TBX15: variants seen among roughly 807,000 people sequenced by gnomAD.
TBX15 encodes T-box transcription factor TBX15.
Under a neutral mutation model 53.9 loss-of-function variants are expected in TBX15, and 18 were observed. The observed-to-expected ratio is 0.33, with a 90% CI of 0.23 to 0.49. TBX15 has a LOEUF of 0.49. Ranked by LOEUF, TBX15 falls within the 20% of genes least tolerant of loss-of-function variation. TBX15 has a pLI of 0.98. For missense variants in TBX15, 692 were observed against 749.5 expected (o/e 0.92, Z 0.90); for synonymous variants, 295 against 278.0 (o/e 1.06, Z -0.61).
At chr1:118,910,417 G>T (rs1266795548) in intron 6 of TBX15, among the ~76,000 whole-genome samples, 1 of 151,968 alleles carries the variant, frequency 6.6e-6, no homozygotes, top group Non-Finnish European at 1.5e-5. Context: ...TTTTGTTGTT[G>T]TTGTTGTTGT....
chr1:118,922,257 G>A, intron 5 of TBX15, among the ~76,000 whole-genome samples: 1 of 152,178 alleles, frequency 6.6e-6, no homozygotes, highest in East Asian at 1.9e-4. Flanking sequence ...CATGACGACA[G>A]AGAGATCAAA....
chr1:118,985,936 G>A (rs765276138), intron 1 of TBX15, among the ~76,000 whole-genome samples: 4 of 152,156 alleles, frequency 2.6e-5, no homozygotes, highest in African/African-American at 4.8e-5. Context: ...ACGGCAGAAA[G>A]AGCAAACTCT....
rs769435912 is a variant in TBX15, at chr1:118,926,529, C to T, written c.502G>A (p.Val168Met). 6.2e-6 allele frequency: 10 copies of T among 1,613,636 alleles called. No individual in the cohort carries two copies. The Admixed American group carries it at 8.3e-5, about 13-fold the overall frequency. Residue 168 changes from valine to methionine, a missense_variant, in exon 3 of 8, where the codon GTG becomes ATG. Val to Met is a conservative substitution (Grantham distance 21, BLOSUM62 1). Transcript: ENST00000369429. ...TGTTACCTGTATCTTTTATTGTCCACAGGCACAATGTCCATTGCTATGTAG... is the reference window on the plus strand; with the variant it reads ...TGTTACCTGTATCTTTTATTGTCCATAGGCACAATGTCCATTGCTATGTAG... Reference protein sequence around the residue: ...QYYIAMDIVPVDNKRYRYVYH... With the variant: ...QYYIAMDIVPMDNKRYRYVYH...
At position 118,885,050 on chromosome 1, in the gene TBX15, C is replaced by G. The variant is rs1653885693; in HGVS notation, c.1491G>C (p.Gly497=). Residue 497 remains glycine (G), a synonymous_variant, in exon 8 of 8, where the codon GGG becomes GGC. Coordinates refer to ENST00000369429, the MANE Select transcript of TBX15 (RefSeq NM_001330677.2). ...ASSSSSPHMF[G]GSHMQQSSYN... ...AGGAGCTCTGCTGCATGTGGCTGCC[C>G]CCGAACATGTGTGGTGATGAGGAGC... The G allele has an allele frequency of 1.9e-6, 3 of 1,613,960 alleles. No individual in the cohort carries two copies. The highest frequency in any genetic ancestry group is 1.3e-5 in the African/African-American group (1 of 74,908).
At chr1:118,939,608 C>A (rs1445598474) in intron 1 of TBX15, among the ~76,000 whole-genome samples, 4 of 149,624 alleles carry the variant, frequency 2.7e-5, no homozygotes, top group East Asian at 1.9e-4. Context: ...TCACTACCTG[C>A]GTGATGGGAT....
At chr1:118,963,506 C>A (rs1343697629) in intron 1 of TBX15, among the ~76,000 whole-genome samples, 2 of 152,178 alleles carry the variant, frequency 1.3e-5, no homozygotes. Context: ...TTAGACAGGG[C>A]TATGATTAGT....
At chr1:118,964,822 G>A (rs1386738101) in intron 1 of TBX15, among the ~76,000 whole-genome samples, 2 of 152,182 alleles carry the variant, frequency 1.3e-5, no homozygotes, top group Non-Finnish European at 2.9e-5. Flanking sequence ...GTCATGGTTT[G>A]GGTCCCCCTC....
chr1:118,956,423 C>A (rs12123832), intron 1 of TBX15, among the ~76,000 whole-genome samples: 48,420 of 151,906 alleles, frequency 0.32, 8,885 homozygotes, highest in East Asian at 0.57. Context: ...AATGTTTATA[C>A]AAAAACACAC....
At chr1:118,976,204 T>C (rs1461975711) in intron 1 of TBX15, among the ~76,000 whole-genome samples, 1 of 152,176 alleles carries the variant, frequency 6.6e-6, no homozygotes, top group Non-Finnish European at 1.5e-5. Context: ...GGGGTTTCTG[T>C]TGTTCCTCTA....
intron 6 of TBX15, among the ~76,000 whole-genome samples, chr1:118,906,182 T>A (rs1654818879): frequency 6.6e-6 from 1 of 152,222 alleles, no homozygotes; most frequent in African/African-American, 2.4e-5. Context: ...GAGGTTAAAC[T>A]GTATGAAATT....
chr1:118,988,148 C>A lies in TBX15; in HGVS notation c.-353G>T. On this transcript the variant is annotated 5_prime_UTR_variant, in exon 1 of 8. Transcript: ENST00000369429. Reference sequence around the variant, plus strand: ...TTTTGTTATTATTATTATTCTCTCTCCTCTCTCTCTCTCTCTCTCTCTCCC... The same window carrying A: ...TTTTGTTATTATTATTATTCTCTCTACTCTCTCTCTCTCTCTCTCTCTCCC... 1 of 179,308 alleles carries A rather than the reference C, an allele frequency of 5.6e-6. No individual in the cohort carries two copies. The highest frequency in any genetic ancestry group is 1.1e-5 in the Non-Finnish European group (1 of 87,138). The allele number at this position is 179,308 out of a possible 1,614,324, so 11.1% of individuals were successfully genotyped here. A position where few individuals can be genotyped will look rare whatever the true frequency, so the allele number is the denominator to read the frequency against.
At chr1:118,888,908 A>C (rs906344709) in intron 7 of TBX15, among the ~76,000 whole-genome samples, 1 of 149,752 alleles carries the variant, frequency 6.7e-6, no homozygotes, top group Non-Finnish European at 1.5e-5. Flanking sequence ...GTTTCACTAC[A>C]AAAAGAAAAA....
chr1:118,912,453 A>G (rs997771169), intron 6 of TBX15, among the ~76,000 whole-genome samples: 3 of 152,322 alleles, frequency 2.0e-5, no homozygotes, highest in East Asian at 3.9e-4. Flanking sequence ...TGAAGGTCTT[A>G]AAAGCCCTTG....
chr1:118,984,792 C>G (rs1053792644), intron 1 of TBX15, among the ~76,000 whole-genome samples: 1 of 152,152 alleles, frequency 6.6e-6, no homozygotes, highest in Non-Finnish European at 1.5e-5. Context: ...GAAACGCTTT[C>G]GAAATACATA....
chr1:118,979,207 CTT>C (rs141147792), intron 1 of TBX15, among the ~76,000 whole-genome samples: 1 of 151,036 alleles, frequency 6.6e-6, no homozygotes, highest in Admixed American at 6.6e-5. Flanking sequence ...CTTTTTCTTT[CTT>C]TTTTTTTAAT....
intron 4 of TBX15, among the ~76,000 whole-genome samples, chr1:118,924,370 G>C (rs12134163): frequency 6.6e-6 from 1 of 151,946 alleles, no homozygotes; most frequent in Non-Finnish European, 1.5e-5. Flanking sequence ...GTCTTGTTTT[G>C]CTCTCTTGCC....
At chr1:118,901,489 T>C (rs1341812696) in intron 6 of TBX15, 1 of 450,126 alleles carries the variant, frequency 2.2e-6, no homozygotes, top group Non-Finnish European at 4.4e-6. Context: ...AGTTTCATTT[T>C]CATAATAGGC....
chr1:118,974,340 T>G (rs1248739037), intron 1 of TBX15, among the ~76,000 whole-genome samples: 1 of 152,186 alleles, frequency 6.6e-6, no homozygotes, highest in Non-Finnish European at 1.5e-5. Flanking sequence ...TCTTTCTCTT[T>G]TTTGCTTCTG....
chr1:118,913,139 G>GT (rs1655075034), intron 6 of TBX15, among the ~76,000 whole-genome samples: 1 of 151,914 alleles, frequency 6.6e-6, no homozygotes, highest in Non-Finnish European at 1.5e-5. Context: ...TGAAATAAAA[G>GT]TTTTTGGTTT....
Sources: allele counts gnomAD v4.1 joint callset (sites outside exome capture counted in the v4.1 genomes callset), GRCh38; gene constraint gnomAD v4.1.1; transcripts MANE v1.5; gene names NCBI Gene and HGNC (gene_info 2026-07-23, HGNC 2026-07-21).